Variants in SDC3 observed in about 807,000 individuals in gnomAD.
SDC3 encodes syndecan 3, also known as syndecan-3.
SDC3 carries 13 observed loss-of-function variants against 24.4 expected under a neutral mutation model. That is an observed-to-expected ratio of 0.53 (90% CI 0.35 to 0.85). The LOEUF is 0.85. SDC3 is among the 40% of genes least tolerant of loss of function. The pLI is 0.01. For missense variants in SDC3, 571 were observed against 584.5 expected, an observed-to-expected ratio of 0.98 and a Z score of 0.24; for synonymous variants, 295 against 260.9, an observed-to-expected ratio of 1.13 and a Z score of -1.26.
chr1:30,908,801 C>A (rs1390314496), upstream of SDC3: 1 of 145,930 alleles, frequency 6.9e-6, no homozygotes, highest in Non-Finnish European at 1.5e-5. Flanking sequence ...GCCGCCGCCG[C>A]CGGGCCGCCC....
At chr1:30,909,235 C>T (rs190979700), upstream of SDC3, among the ~76,000 whole-genome samples, 635 of 152,334 alleles carry the variant, frequency 4.2e-3, 4 homozygotes, top group Non-Finnish European at 6.9e-3. Flanking sequence ...TCCAAGACCA[C>T]GGGCTTTCAT....
chr1:30,874,590 T>C lies in SDC3; in HGVS notation c.871-2A>G. 6.2e-7 allele frequency: 1 copy of C among 1,613,462 alleles called. No individual in the cohort carries two copies. The highest frequency in any genetic ancestry group is 8.5e-7 in the Non-Finnish European group (1 of 1,179,580). ...CAGGAAGGTCTCTGGAGTTGGGGTC[T>C]GCAGAGAGGGTGGCATGAGCCCAGG... On this transcript the variant is annotated splice_acceptor_variant, in intron 3 of 4. Coordinates refer to ENST00000339394, the MANE Select transcript of SDC3 (RefSeq NM_014654.4). LOFTEE classifies it high-confidence loss of function.
intron 1 of SDC3, among the ~76,000 whole-genome samples, chr1:30,898,671 C>A (rs1638336858): frequency 6.6e-6 from 1 of 152,204 alleles, no homozygotes; most frequent in Non-Finnish European, 1.5e-5. Context: ...CAGGCCTCCC[C>A]TCCCCACCCA....
chr1:30,891,619 T>A (rs1639905293), intron 1 of SDC3, among the ~76,000 whole-genome samples: 1 of 151,998 alleles, frequency 6.6e-6, no homozygotes, highest in Admixed American at 6.6e-5. Context: ...GGCTCACACC[T>A]GTAATCCCAG....
intron 1 of SDC3, among the ~76,000 whole-genome samples, chr1:30,888,443 G>A (rs542237065): frequency 1.3e-5 from 2 of 152,288 alleles, no homozygotes; most frequent in African/African-American, 4.8e-5. Flanking sequence ...CCAGGGAACT[G>A]AAGAGAACCT....
rs1214166635 is a variant in SDC3, at chr1:30,888,121, C to A, written c.139-9381G>T. The stretch of plus-strand genomic sequence containing the variant: ...GAAAGCAGCCTTCACTGAGCACACA[C>A]TAAGCACTGGACTCTACCTTCTCAG... On this transcript the variant is annotated intron_variant, in intron 1 of 4. Transcript: ENST00000339394. Among the ~76,000 whole-genome samples, 89 of 152,256 alleles carry A rather than the reference C, an allele frequency of 5.8e-4. 1 individual carries two copies. Among genetic ancestry groups the A allele is most frequent in the Non-Finnish European group, 1.5e-4 (10 of 68,044 alleles).
rs777586371 is a variant in SDC3 at position 30,870,193 on chromosome 1, C to T, written c.*3018G>A. 3 of 326,150 alleles carry T rather than the reference C, an allele frequency of 9.2e-6. No homozygotes were observed. The highest frequency in any genetic ancestry group is 1.7e-5 in the Non-Finnish European group (3 of 180,906). The allele number at this position is 326,150 out of a possible 1,614,324, so 20.2% of individuals were successfully genotyped here. ...TTTGCCAACCCCAGGGGGGTTTGGC[C>T]CACACACCCTAAGCCCTGCCCAGCC... On this transcript the variant is annotated 3_prime_UTR_variant, in exon 5 of 5. Transcript: ENST00000339394.
Position 30,871,308 on chromosome 1 carries a change from G to T in SDC3, c.*1903C>A, listed in dbSNP as rs1174684695. ...CTTGAATCTGGGATGTGGGTGAGGGGTGGGGGTGTGAGTGCCAGCCAATCG... is the reference window on the plus strand; with the variant it reads ...CTTGAATCTGGGATGTGGGTGAGGGTTGGGGGTGTGAGTGCCAGCCAATCG... On this transcript the variant is annotated 3_prime_UTR_variant, in exon 5 of 5. Transcript: ENST00000339394. 54 of 152,238 alleles carry T rather than the reference G, an allele frequency of 3.5e-4. No homozygotes were observed. The highest frequency in any genetic ancestry group is 3.5e-3 in the Admixed American group (54 of 15,282). The allele number at this position is 152,238 out of a possible 1,614,324, so 9.4% of individuals were successfully genotyped here.
At chr1:30,888,555 C>T (rs1323185077) in intron 1 of SDC3, among the ~76,000 whole-genome samples, 4 of 152,180 alleles carry the variant, frequency 2.6e-5, no homozygotes, top group Non-Finnish European at 5.9e-5. Flanking sequence ...GCTGAGCATA[C>T]ACCCTGGGCA....
chr1:30,892,817 A>G (rs1639925973), intron 1 of SDC3, among the ~76,000 whole-genome samples: 1 of 152,192 alleles, frequency 6.6e-6, no homozygotes, highest in Non-Finnish European at 1.5e-5. Context: ...TCAGAGGACG[A>G]CACAAGTATA....
intron 4 of SDC3, 115 bp downstream of exon 4, chr1:30,874,182 T>G: frequency 1.2e-6 from 1 of 852,950 alleles, no homozygotes; most frequent in South Asian, 1.8e-5. Flanking sequence ...ATCTGGCTCC[T>G]AGGAAACCAC....
At chr1:30,894,433 T>C (rs1413771794) in intron 1 of SDC3, among the ~76,000 whole-genome samples, 1 of 62,808 alleles carries the variant, frequency 1.6e-5, no homozygotes, top group Non-Finnish European at 2.8e-5. Flanking sequence ...AGTGTGTGCA[T>C]TGAGTGTGTG....
intron 1 of SDC3, among the ~76,000 whole-genome samples, chr1:30,900,483 T>G (rs1360234864): frequency 3.3e-5 from 5 of 152,130 alleles, no homozygotes; most frequent in Non-Finnish European, 7.4e-5. Flanking sequence ...GGGTAAAGAC[T>G]GACACAGGCA....
rs1168582852 is a variant in SDC3 at position 30,872,828 on chromosome 1, AAAGGAG to A, written c.*377_*382del. 2 of 219,606 alleles carry A rather than the reference AAAGGAG, an allele frequency of 9.1e-6. No individual in the cohort carries two copies. The highest frequency in any genetic ancestry group is 1.8e-5 in the Non-Finnish European group (2 of 110,270). 13.6% of individuals were successfully genotyped at this position (219,606 alleles called of 1,614,324 possible). A position where few individuals can be genotyped will look rare whatever the true frequency, so the allele number is the denominator to read the frequency against. On this transcript the variant is annotated 3_prime_UTR_variant, in exon 5 of 5. Transcript: ENST00000339394. ...CAGCCTGAGTGCCTCTCTGCCCCAAAAAGGAGATCTCAGTGAGCACTGTGGGTGCCA... is the reference window on the plus strand; with the variant it reads ...CAGCCTGAGTGCCTCTCTGCCCCAAAATCTCAGTGAGCACTGTGGGTGCCA...
chr1:30,908,796 C>A, upstream of SDC3: 1 of 146,214 alleles, frequency 6.8e-6, no homozygotes, highest in South Asian at 1.9e-4. Flanking sequence ...CCGCCGCCGC[C>A]GCCGCCGGGC....
At chr1:30,892,091 C>T (rs903200955) in intron 1 of SDC3, among the ~76,000 whole-genome samples, 1 of 151,694 alleles carries the variant, frequency 6.6e-6, no homozygotes, top group Non-Finnish European at 1.5e-5. Flanking sequence ...AGCCCCTTCT[C>T]CACACAGCTA....
intron 1 of SDC3, among the ~76,000 whole-genome samples, chr1:30,882,705 CT>C (rs1455071297): frequency 4.6e-5 from 7 of 152,172 alleles, no homozygotes; most frequent in Admixed American, 4.6e-4. Context: ...CAGTGCATCC[CT>C]CCCACCCCAT....
chr1:30,905,331 C>A (rs1331519023), intron 1 of SDC3, among the ~76,000 whole-genome samples: 1 of 88,856 alleles, frequency 1.1e-5, no homozygotes, highest in East Asian at 4.1e-4. Context: ...ACCCCCACCC[C>A]CATCCGTACT....
chr1:30,874,455 G>A lies in SDC3; in HGVS notation c.1004C>T (p.Ala335Val). Residue 335 changes from alanine (A) to valine (V), a missense_variant, in exon 4 of 5, where the codon GCT (alanine) becomes GTT (valine). Ala to Val is a moderately conservative substitution (Grantham distance 64). Around this residue, in one of 2 missense-constraint regions of SDC3, gnomAD observed 497 missense variants for 471.6 expected, o/e 1.05. Coordinates refer to ENST00000339394, the MANE Select transcript of SDC3 (RefSeq NM_014654.4). ...TGCCTTGGCCGCAGCCCCTCCCACAGCTACCACCTCATTGGCTGTGTCTGG... is the reference window on the plus strand; with the variant it reads ...TGCCTTGGCCGCAGCCCCTCCCACAACTACCACCTCATTGGCTGTGTCTGG... ...TQPDTANEVV[A>V]VGGAAAKASS... is the part of the protein sequence containing the mutation. 1 of 1,614,194 alleles carries A rather than the reference G, an allele frequency of 6.2e-7. No homozygotes were observed. Among genetic ancestry groups the A allele is most frequent in the Non-Finnish European group, 8.5e-7 (1 of 1,180,030 alleles).
Sources: allele counts gnomAD v4.1 joint callset (sites outside exome capture counted in the v4.1 genomes callset), GRCh38; gene constraint gnomAD v4.1.1; regional missense constraint gnomAD v4.1.1; transcripts MANE v1.5; gene names NCBI Gene and HGNC (gene_info 2026-07-23, HGNC 2026-07-21).